REXO1: variants seen among roughly 807,000 people sequenced by gnomAD.
REXO1 encodes RNA exonuclease 1 homolog.
A neutral mutation model predicts 102.6 loss-of-function variants in REXO1; 42 were observed. The observed-to-expected ratio is 0.41, with a 90% CI of 0.32 to 0.53. REXO1 has a LOEUF of 0.53. Among genes scored for constraint, REXO1 ranks in the 20% least tolerant of loss-of-function variants. The pLI is 0.27. For missense variants in REXO1, 1,819 were observed against 1,732.5 expected (o/e 1.05, Z -0.89); for synonymous variants, 908 against 779.1 (o/e 1.17, Z -2.76).
chr19:1,824,985 C>T (rs2069666669), intron 3 of REXO1, among the ~76,000 whole-genome samples: 1 of 145,106 alleles, frequency 6.9e-6, no homozygotes, highest in Admixed American at 6.8e-5. Flanking sequence ...CGGGGTTTCA[C>T]CATGTTGGCC....
chr19:1,842,485 A>G (rs2011329426), intron 1 of REXO1, among the ~76,000 whole-genome samples: 1 of 152,260 alleles, frequency 6.6e-6, no homozygotes, highest in Non-Finnish European at 1.5e-5. Flanking sequence ...TGCTCTACTG[A>G]AGACCTAAGC....
rs1277524474 is a variant in REXO1 at position 1,816,428 on chromosome 19, C to A, written c.3456+3G>T. 1.2e-6 allele frequency: 2 copies of A among 1,610,714 alleles called. No individual in the cohort carries two copies. The highest frequency in any genetic ancestry group is 8.5e-7 in the Non-Finnish European group (1 of 1,178,950). On this transcript the variant is annotated splice_donor_region_variant and intron_variant, in intron 14 of 15. Transcript: ENST00000170168. Reference sequence around the variant, plus strand: ...CCGCGCGGGACCCGGGCCGGCAGGGCACCTTCAGGGCCAGGAGGTCGCTCT... The same window carrying A: ...CCGCGCGGGACCCGGGCCGGCAGGGAACCTTCAGGGCCAGGAGGTCGCTCT...
intron 1 of REXO1, among the ~76,000 whole-genome samples, chr19:1,831,854 A>G (rs1568707282): frequency 3.1e-5 from 3 of 97,102 alleles, no homozygotes; most frequent in Non-Finnish European, 2.7e-5. Context: ...TCAAAAAAAA[A>G]AAAAAAAAAA....
intron 1 of REXO1, among the ~76,000 whole-genome samples, chr19:1,838,074 G>A (rs2070092968): frequency 6.6e-6 from 1 of 152,126 alleles, no homozygotes; most frequent in Non-Finnish European, 1.5e-5. Context: ...CTGGGAGGCT[G>A]AGCCCAAGGC....
intron 1 of REXO1, among the ~76,000 whole-genome samples, chr19:1,846,329 G>A (rs1287979956): frequency 6.6e-6 from 1 of 152,184 alleles, no homozygotes; most frequent in African/African-American, 2.4e-5. Flanking sequence ...AAACCTCACC[G>A]CAAGGAAGAT....
intron 3 of REXO1, chr19:1,824,651 G>A (rs773383035): frequency 4.6e-5 from 7 of 152,170 alleles, no homozygotes; most frequent in Non-Finnish European, 1.0e-4. Context: ...TGAAGCAAAT[G>A]TTAAGCATCA....
rs1271867657 is a variant in REXO1, at chr19:1,823,359, G to C, written c.2230+213C>G. On this transcript the variant is annotated intron_variant, in intron 4 of 15. Coordinates refer to ENST00000170168, the MANE Select transcript of REXO1 (RefSeq NM_020695.4). ...GGACTCCTAGTAACCCCGGAGCTGG[G>C]TCAGGGAAGGAAGGTGCTGGGCCAG... 2.3e-5 allele frequency: 9 copies of C among 398,796 alleles called. No individual in the cohort carries two copies. In the East Asian group the frequency reaches 3.2e-4, roughly 14 times the overall value. The allele number at this position is 398,796 out of a possible 1,614,324, so 24.7% of individuals were successfully genotyped here. A position where few individuals can be genotyped will look rare whatever the true frequency, so the allele number is the denominator to read the frequency against.
intron 1 of REXO1, among the ~76,000 whole-genome samples, chr19:1,845,191 C>G (rs1348893744): frequency 6.6e-6 from 1 of 152,204 alleles, no homozygotes; most frequent in South Asian, 2.1e-4. Flanking sequence ...AAGGCCCAGG[C>G]AGCAGAGAGC....
chr19:1,835,303 G>A (rs1445408791), intron 1 of REXO1, among the ~76,000 whole-genome samples: 1 of 152,156 alleles, frequency 6.6e-6, no homozygotes, highest in African/African-American at 2.4e-5. Flanking sequence ...TAGCACTTTG[G>A]GAGGCGGAGG....
Sources: allele counts gnomAD v4.1 joint callset (sites outside exome capture counted in the v4.1 genomes callset), GRCh38; gene constraint gnomAD v4.1.1; transcripts MANE v1.5; gene names NCBI Gene and HGNC (gene_info 2026-07-23, HGNC 2026-07-21).